RHOU: variants seen among roughly 807,000 people sequenced by gnomAD.
RHOU encodes ras homolog family member U, also known as rho-related GTP-binding protein RhoU.
In RHOU, 8 loss-of-function variants were observed where a neutral mutation model predicts 12.6. The observed-to-expected ratio is 0.64, with a 90% CI of 0.37 to 1.15. The LOEUF is 1.15. RHOU is among the 50% of genes most tolerant of loss of function. RHOU has a pLI of 0.01. For synonymous variants in RHOU, 161 were observed against 147.4 expected (o/e 1.09, Z -0.67); for missense variants, 258 against 347.0 (o/e 0.74, Z 2.04).
At chr1:228,689,266 A>G in the RHOU span, among the ~76,000 whole-genome samples, 4 of 151,704 alleles carry the variant, frequency 2.6e-5, no homozygotes, top group Non-Finnish European at 5.9e-5. Flanking sequence ...AAGAGGTCAT[A>G]TGTAATCTGT....
At chr1:228,736,125 C>A in intron 1 of RHOU, 121 bp downstream of exon 1, 1 of 1,004,278 alleles carries the variant, frequency 1.0e-6, no homozygotes, top group Non-Finnish European at 1.4e-6. Context: ...GCGGCTCCAG[C>A]TGGGAAGCCG....
chr1:228,654,926 A>C, the RHOU span, among the ~76,000 whole-genome samples: 15 of 152,184 alleles, frequency 9.9e-5, no homozygotes, highest in Non-Finnish European at 1.8e-4. Context: ...GTACCTGAAC[A>C]ATTTTTCTGG....
At chr1:228,732,836 A>G (rs1256693851), upstream of RHOU, among the ~76,000 whole-genome samples, 1 of 152,212 alleles carries the variant, frequency 6.6e-6, no homozygotes, top group Non-Finnish European at 1.5e-5. Context: ...AAAAAAAAAT[A>G]CAAAATTAAG....
chr1:228,658,091 G>A, the RHOU span, among the ~76,000 whole-genome samples: 10 of 151,900 alleles, frequency 6.6e-5, no homozygotes, highest in African/African-American at 1.5e-4. Flanking sequence ...ACCAGCCAGG[G>A]CAACATGGGA....
the RHOU span, among the ~76,000 whole-genome samples, chr1:228,665,008 T>G: frequency 1.3e-5 from 2 of 152,214 alleles, no homozygotes; most frequent in South Asian, 4.1e-4. Context: ...GATTTCTTCC[T>G]ATTAGCTTAT....
chr1:228,690,466 C>T, the RHOU span, among the ~76,000 whole-genome samples: 7 of 151,854 alleles, frequency 4.6e-5, no homozygotes, highest in Non-Finnish European at 8.8e-5. Flanking sequence ...GCTGGGATTA[C>T]AGGCATGCAC....
chr1:228,677,896 G>T, the RHOU span, among the ~76,000 whole-genome samples: 1 of 152,124 alleles, frequency 6.6e-6, no homozygotes, highest in Non-Finnish European at 1.5e-5. Context: ...AGGTGGGAAG[G>T]CCAAACTGAG....
the RHOU span, among the ~76,000 whole-genome samples, chr1:228,702,649 C>T: frequency 6.6e-6 from 1 of 152,272 alleles, no homozygotes; most frequent in East Asian, 1.9e-4. Context: ...AAGCTTGAAG[C>T]AGAGATAGCA....
the RHOU span, among the ~76,000 whole-genome samples, chr1:228,697,062 G>C: frequency 6.6e-6 from 1 of 152,098 alleles, no homozygotes; most frequent in African/African-American, 2.4e-5. Flanking sequence ...ATCCTAGTTG[G>C]CTCAGGATCA....
chr1:228,651,640 G>C, the RHOU span, among the ~76,000 whole-genome samples: 1 of 152,316 alleles, frequency 6.6e-6, no homozygotes, highest in Non-Finnish European at 1.5e-5. Context: ...TCAAGGGACT[G>C]CCCAGTCCTT....
the RHOU span, among the ~76,000 whole-genome samples, chr1:228,647,255 CAT>C: frequency 1.3e-5 from 2 of 152,188 alleles, no homozygotes; most frequent in Non-Finnish European, 2.9e-5. Flanking sequence ...TCGTAGGCTC[CAT>C]TCTTTCTTGG....
rs969037679 is a variant in RHOU at position 228,743,354 on chromosome 1, G to T, written c.391G>T (p.Val131Leu). The change falls in exon 3 of 3, where the codon GTG becomes TTG. Residue 131 changes from valine to leucine, a missense_variant. By Grantham distance (32) the Val-to-Leu change is conservative (BLOSUM62 1). Transcript: ENST00000366691. This position sits in a 1 kb window ranked among gnomAD's most constrained non-coding sequence, Gnocchi z 5.1. The stretch of plus-strand genomic sequence containing the variant: ...CATCTTCCTGCTCTGCTTCAGTGTC[G>T]TGAGCCCCTCATCCTTCCAGAACGT... ...TDIFLLCFSV[V>L]SPSSFQNVSE... 6.2e-7 allele frequency: 1 copy of T among 1,614,030 alleles called. No individual in the cohort carries two copies. Among genetic ancestry groups the T allele is most frequent in the African/African-American group, 1.3e-5 (1 of 74,894 alleles).
the RHOU span, among the ~76,000 whole-genome samples, chr1:228,689,625 T>C: frequency 1.3e-5 from 2 of 151,996 alleles, no homozygotes; most frequent in African/African-American, 4.8e-5. Flanking sequence ...AGGTGAGCAG[T>C]GGGTGAGCAT....
rs2102716687 is a variant in RHOU at position 228,738,937 on chromosome 1, C to A, written c.321+1206C>A. ...TTTGAGACCAGCCTGGGTAGCATAG[C>A]AAGACATCATCTCTACAAAATAAAA... On this transcript the variant is annotated intron_variant, in intron 2 of 2. Transcript: ENST00000366691. This position sits in a 1 kb window ranked among gnomAD's most constrained non-coding sequence, Gnocchi z 4.2. 6.6e-6 allele frequency among the ~76,000 whole-genome samples: 1 copy of A among 151,736 alleles called. No homozygotes were observed. Among genetic ancestry groups the A allele is most frequent in the South Asian group, 2.1e-4 (1 of 4,794 alleles).
At chr1:228,665,781 T>C in the RHOU span, among the ~76,000 whole-genome samples, 1 of 152,178 alleles carries the variant, frequency 6.6e-6, no homozygotes, top group African/African-American at 2.4e-5. Flanking sequence ...CTATCCACAT[T>C]GGTGAGGACA....
rs947538681 is a variant in RHOU at position 228,735,729 on chromosome 1, G to A, written c.-14G>A. The A allele has an allele frequency of 1.7e-6, 2 of 1,203,050 alleles. No homozygotes were observed. Among genetic ancestry groups the A allele is most frequent in the Non-Finnish European group, 2.1e-6 (2 of 969,700 alleles). The allele number at this position is 1,203,050 out of a possible 1,614,324, so 74.5% of individuals were successfully genotyped here. A position where few individuals can be genotyped will look rare whatever the true frequency, so the allele number is the denominator to read the frequency against. On this transcript the variant is annotated 5_prime_UTR_variant, in exon 1 of 3. Transcript: ENST00000366691. This position sits in a 1 kb window ranked among gnomAD's most constrained non-coding sequence, Gnocchi z 8.1. ...CCTGCTAGCCCGCGACCGCAAGCCC[G>A]CGCTCGCGGATCGATGCCCCCGCAG... is the stretch of plus-strand genomic sequence containing the variant.
the RHOU span, among the ~76,000 whole-genome samples, chr1:228,726,522 A>G: frequency 2.9e-4 from 44 of 152,112 alleles, no homozygotes; most frequent in African/African-American, 9.9e-4. Context: ...AAAATTAGCC[A>G]GGCGTGGTGG....
chr1:228,726,449 A>G, the RHOU span, among the ~76,000 whole-genome samples: 1 of 152,164 alleles, frequency 6.6e-6, no homozygotes, highest in African/African-American at 2.4e-5. Context: ...GTGGATCATG[A>G]GGTCAGGAGT....
At chr1:228,674,630 G>C in the RHOU span, among the ~76,000 whole-genome samples, 4 of 152,110 alleles carry the variant, frequency 2.6e-5, no homozygotes, top group African/African-American at 7.2e-5. Context: ...ACAGGCATGA[G>C]CCACCGCACC....
Sources: gnomAD v4.1 joint callset for allele counts (sites outside exome capture counted in the v4.1 genomes callset) on GRCh38, gnomAD v4.1.1 for gene constraint, Gnocchi (gnomAD v3.1) non-coding constraint, MANE v1.5 for transcripts, NCBI Gene and HGNC (gene_info 2026-07-23, HGNC 2026-07-21) for gene names.